The following ANO3 variants were observed in gnomAD, a reference collection of about 807,000 sequenced individuals.
The protein encoded by ANO3 is anoctamin-3.
In ANO3, 99 loss-of-function variants were observed where a neutral mutation model predicts 144.8. That is an observed-to-expected ratio of 0.68 (90% CI 0.58 to 0.81). The LOEUF (loss-of-function observed/expected upper bound fraction) is 0.81, where lower values mean the gene tolerates loss of function less well. ANO3 is among the 30% of genes least tolerant of loss of function. ANO3 has a pLI of 0.00. For synonymous variants in ANO3, 414 were observed against 392.6 expected, an observed-to-expected ratio of 1.05 and a Z score of -0.64; for missense variants, 905 against 1,202.2, an observed-to-expected ratio of 0.75 and a Z score of 3.66.
At chr11:26,528,839 A>C (rs1250448199) in intron 7 of ANO3, among the ~76,000 whole-genome samples, 1 of 151,412 alleles carries the variant, frequency 6.6e-6, no homozygotes, top group Non-Finnish European at 1.5e-5. Flanking sequence ...CTATACATCA[A>C]CCTCTCCAAT....
intron 3 of ANO3, among the ~76,000 whole-genome samples, chr11:26,459,348 T>TG: frequency 6.6e-6 from 1 of 152,244 alleles, no homozygotes; most frequent in South Asian, 2.1e-4. Flanking sequence ...GAGGAAAAGA[T>TG]GGATACAGGA....
chr11:26,655,273 A>G (rs749401348), intron 24 of ANO3, among the ~76,000 whole-genome samples: 3 of 152,090 alleles, frequency 2.0e-5, no homozygotes, highest in Non-Finnish European at 4.4e-5. Context: ...ATTGGTTTCT[A>G]TTGCCCTTGG....
intron 3 of ANO3, among the ~76,000 whole-genome samples, chr11:26,451,466 C>T (rs1157403840): frequency 1.3e-5 from 2 of 152,192 alleles, no homozygotes; most frequent in Non-Finnish European, 2.9e-5. Context: ...CCTACGCCCA[C>T]GGAGTCTCGC....
At chr11:26,327,689 A>G (rs543966607), upstream of ANO3, among the ~76,000 whole-genome samples, 2 of 152,344 alleles carry the variant, frequency 1.3e-5, no homozygotes, top group African/African-American at 2.4e-5. Flanking sequence ...TAAATTGTCT[A>G]TTTTTAATAA....
chr11:26,391,028 T>C (rs987223743), intron 1 of ANO3, among the ~76,000 whole-genome samples: 1 of 152,156 alleles, frequency 6.6e-6, no homozygotes, highest in Non-Finnish European at 1.5e-5. Context: ...ATGTCCTTTT[T>C]CTCTTCCACC....
intron 17 of ANO3, among the ~76,000 whole-genome samples, chr11:26,616,792 A>C (rs1257271561): frequency 6.6e-6 from 1 of 152,100 alleles, no homozygotes; most frequent in African/African-American, 2.4e-5. Flanking sequence ...TATTTTTTTG[A>C]GATGGAGTCT....
At chr11:26,443,615 A>C (rs1858604743) in intron 2 of ANO3, 150 bp from the exon 3 acceptor site, 1 of 531,582 alleles carries the variant, frequency 1.9e-6, no homozygotes, top group South Asian at 2.9e-5. Context: ...AAACGGAAAA[A>C]ACAGTGACAT....
intron 1 of ANO3, among the ~76,000 whole-genome samples, chr11:26,229,483 T>C (rs1852342185): frequency 6.6e-6 from 1 of 152,214 alleles, no homozygotes; most frequent in Admixed American, 6.5e-5. Context: ...AAAATGGATG[T>C]GATGGAACTT....
chr11:26,546,652 C>T (rs1251150760), intron 11 of ANO3, among the ~76,000 whole-genome samples: 4 of 151,944 alleles, frequency 2.6e-5, no homozygotes, highest in Non-Finnish European at 5.9e-5. Context: ...GAAAGCGCAA[C>T]TGAGTAGTTA....
intron 1 of ANO3, among the ~76,000 whole-genome samples, chr11:26,342,186 G>T (rs1238785247): frequency 2.0e-5 from 3 of 152,132 alleles, no homozygotes; most frequent in Non-Finnish European, 4.4e-5. Flanking sequence ...CTATCTTGTT[G>T]GCAGAAATAT....
intron 5 of ANO3, among the ~76,000 whole-genome samples, chr11:26,514,685 C>T (rs1017676006): frequency 1.5e-4 from 23 of 151,946 alleles, no homozygotes; most frequent in African/African-American, 5.3e-4. Flanking sequence ...GTAGCCAACA[C>T]GATGATTTCA....
At chr11:26,347,907 G>T (rs71480120) in intron 1 of ANO3, among the ~76,000 whole-genome samples, 2 of 152,122 alleles carry the variant, frequency 1.3e-5, no homozygotes, top group East Asian at 1.9e-4. Flanking sequence ...GCAAGAAAAG[G>T]GTCCTGGCCC....
intron 1 of ANO3, among the ~76,000 whole-genome samples, chr11:26,297,202 T>TGTGTGTGTGC (rs1274498648): frequency 1.1e-4 from 17 of 152,134 alleles, no homozygotes; most frequent in African/African-American, 3.9e-4. Flanking sequence ...TGTGTGTGTG[T>TGTGTGTGTGC]GTGTGTGTGA....
chr11:26,219,356 T>A (rs74959270), intron 1 of ANO3, among the ~76,000 whole-genome samples: 191 of 152,274 alleles, frequency 1.3e-3, no homozygotes, highest in African/African-American at 4.5e-3. Flanking sequence ...TACTAATGTC[T>A]TTGTGTTATC....
intron 1 of ANO3, among the ~76,000 whole-genome samples, chr11:26,364,466 A>G (rs1423068225): frequency 1.3e-5 from 2 of 152,190 alleles, no homozygotes; most frequent in Admixed American, 1.3e-4. Context: ...AGAGAAAGTA[A>G]TTTATAAAGA....
At chr11:26,386,980 C>A (rs900657858) in intron 1 of ANO3, among the ~76,000 whole-genome samples, 5 of 151,792 alleles carry the variant, frequency 3.3e-5, no homozygotes, top group African/African-American at 1.2e-4. Flanking sequence ...GAGAGGGAGA[C>A]ACACTTAAGT....
intron 4 of ANO3, among the ~76,000 whole-genome samples, chr11:26,478,472 T>C (rs915818249): frequency 6.6e-6 from 1 of 152,116 alleles, no homozygotes; most frequent in East Asian, 1.9e-4. Flanking sequence ...CTTTCCCTAC[T>C]TGAAGCTAGC....
At chr11:26,249,580 G>T (rs1852879854) in intron 1 of ANO3, among the ~76,000 whole-genome samples, 1 of 151,904 alleles carries the variant, frequency 6.6e-6, no homozygotes, top group African/African-American at 2.4e-5. Context: ...TTAAAAAAAA[G>T]GAATAAATGA....
chr11:26,423,592 T>C (rs534470346), intron 1 of ANO3, among the ~76,000 whole-genome samples: 45 of 152,086 alleles, frequency 3.0e-4, no homozygotes, highest in African/African-American at 9.6e-4. Flanking sequence ...TACAGTTTGG[T>C]GATGGTAGGT....
Sources: allele counts gnomAD v4.1 joint callset (sites outside exome capture counted in the v4.1 genomes callset), GRCh38; gene constraint gnomAD v4.1.1; transcripts MANE v1.5; gene names NCBI Gene and HGNC (gene_info 2026-07-23, HGNC 2026-07-21).